FAM53A: variants seen among roughly 807,000 people sequenced by gnomAD.
The protein encoded by FAM53A is family with sequence similarity 53 member A.
FAM53A carries 28 observed loss-of-function variants against 26.6 expected under a neutral mutation model. That is an observed-to-expected ratio of 1.05 (90% CI 0.78 to 1.45). FAM53A has a LOEUF of 1.45. Ranked by LOEUF, FAM53A falls within the 40% of genes most tolerant of loss-of-function variation. The pLI, the probability that FAM53A is intolerant of heterozygous loss-of-function variation, is 0.00. For synonymous variants in FAM53A, 290 were observed against 253.1 expected, an observed-to-expected ratio of 1.15 and a Z score of -1.38; for missense variants, 650 against 575.8, an observed-to-expected ratio of 1.13 and a Z score of -1.32.
chr4:1,608,125 CA>C, the FAM53A span, among the ~76,000 whole-genome samples: 1 of 152,132 alleles, frequency 6.6e-6, no homozygotes, highest in African/African-American at 2.4e-5. Context: ...AAAATAAAAA[CA>C]AAAACAAAAA....
At position 1,680,898 on chromosome 4, in the gene FAM53A, T is replaced by C. The variant is rs906334988; in HGVS notation, c.-165+3335A>G. ...ATTATTCTGCATGATACTATAATGG[T>C]TGACAAAGGTCATTACACATTTGTC... On this transcript the variant is annotated intron_variant, in intron 1 of 4. Coordinates refer to ENST00000308132, the MANE Select transcript of FAM53A (RefSeq NM_001174070.3). 5.3e-5 allele frequency among the ~76,000 whole-genome samples: 8 copies of C among 152,198 alleles called. No individual in the cohort carries two copies. The East Asian group carries it at 1.3e-3, about 26-fold the overall frequency.
At chr4:1,629,217 G>A (rs1715500324) in intron 1 of FAM53A, among the ~76,000 whole-genome samples, 1 of 152,084 alleles carries the variant, frequency 6.6e-6, no homozygotes, top group African/African-American at 2.4e-5. Context: ...CCGCACCTGG[G>A]ACCCCAGGGG....
the FAM53A span, among the ~76,000 whole-genome samples, chr4:1,585,360 C>G: frequency 1.4e-5 from 2 of 138,304 alleles, no homozygotes; most frequent in African/African-American, 2.7e-5. Flanking sequence ...AATCTTGGCT[C>G]ACTGCAACCT....
chr4:1,644,463 G>C, intron 4 of FAM53A: 1 of 1,307,048 alleles, frequency 7.7e-7, no homozygotes, highest in Non-Finnish European at 1.0e-6. Context: ...GCTAGCGAAG[G>C]CCACACGGAA....
intron 1 of FAM53A, among the ~76,000 whole-genome samples, chr4:1,673,832 G>A (rs774982251): frequency 1.3e-5 from 2 of 152,226 alleles, no homozygotes; most frequent in Non-Finnish European, 2.9e-5. Context: ...CAGCAGCTCT[G>A]GCACGCGGGA....
chr4:1,680,239 A>C (rs1715325925), intron 1 of FAM53A, among the ~76,000 whole-genome samples: 1 of 145,624 alleles, frequency 6.9e-6, no homozygotes, highest in Non-Finnish European at 1.5e-5. Flanking sequence ...GAATCATTTG[A>C]AACCAGGAGG....
At chr4:1,625,603 T>G (rs56262316) in intron 1 of FAM53A, among the ~76,000 whole-genome samples, 5 of 38,252 alleles carry the variant, frequency 1.3e-4, no homozygotes, top group South Asian at 1.2e-3. Context: ...GAAGCCCCCA[T>G]GTCCCGACCC....
At chr4:1,637,081 C>G (rs1274519885), downstream of FAM53A, among the ~76,000 whole-genome samples, 18 of 152,032 alleles carry the variant, frequency 1.2e-4, no homozygotes, top group Non-Finnish European at 2.9e-5. Flanking sequence ...TGGTGAGGGC[C>G]ACAACCGTCT....
intron 1 of FAM53A, among the ~76,000 whole-genome samples, chr4:1,625,084 A>C (rs1308614028): frequency 9.9e-5 from 11 of 110,792 alleles, no homozygotes; most frequent in Admixed American, 3.7e-4. Context: ...GGTCAGGGTC[A>C]CGCCAGGTGA....
At chr4:1,672,981 G>C (rs976456022) in intron 1 of FAM53A, among the ~76,000 whole-genome samples, 2 of 152,096 alleles carry the variant, frequency 1.3e-5, no homozygotes, top group African/African-American at 4.8e-5. Flanking sequence ...TGTTGGCCAG[G>C]CTGGTCTCAA....
chr4:1,644,350 G>A lies in FAM53A; in HGVS notation c.883-2743C>T, dbSNP rs539062104. ...GCGGGCACAGCTGTGCGGCTAGAGCGTGAAAACAGCAGGCTCTGAACGCCT... is the reference window on the plus strand; with the variant it reads ...GCGGGCACAGCTGTGCGGCTAGAGCATGAAAACAGCAGGCTCTGAACGCCT... On this transcript the variant is annotated intron_variant, in intron 4 of 4. Coordinates refer to ENST00000308132, the MANE Select transcript of FAM53A (RefSeq NM_001174070.3). 63 of 1,535,654 alleles carry A rather than the reference G, an allele frequency of 4.1e-5. No individual in the cohort carries two copies. In the East Asian group the frequency reaches 4.9e-4, roughly 12 times the overall value.
intron 1 of FAM53A, among the ~76,000 whole-genome samples, chr4:1,634,322 T>C (rs1164437804): frequency 6.6e-6 from 1 of 151,900 alleles, no homozygotes; most frequent in Non-Finnish European, 1.5e-5. Context: ...CTGAGCTCCA[T>C]CCCTGCCCCC....
Position 1,641,576 on chromosome 4 carries a change from A to G in FAM53A, c.914T>C (p.Leu305Pro), listed in dbSNP as rs1301488098. ...ATCCTCATCGTCATCTTCGTAATTG[A>G]GGGAGCAAAGGCTTTTTGAATTTTT... is the stretch of plus-strand genomic sequence containing the variant. ...TLKNSKSLCS[L>P]NYEDDDEDDT... Residue 305 changes from leucine (L) to proline (P), a missense_variant, in exon 5 of 5, where the codon CTC (leucine) becomes CCC (proline). By Grantham distance (98) the Leu-to-Pro change is moderately conservative (BLOSUM62 -3). Coordinates refer to ENST00000308132, the MANE Select transcript of FAM53A (RefSeq NM_001174070.3). The G allele has an allele frequency of 1.9e-6, 3 of 1,614,036 alleles. No homozygotes were observed. Among genetic ancestry groups the G allele is most frequent in the Non-Finnish European group, 2.5e-6 (3 of 1,180,002 alleles).
chr4:1,673,909 A>G (rs960350133), intron 1 of FAM53A, among the ~76,000 whole-genome samples: 8 of 152,218 alleles, frequency 5.3e-5, no homozygotes, highest in South Asian at 2.1e-4. Context: ...AGCCCAGGAG[A>G]CGACGGGGAT....
chr4:1,606,996 C>T, the FAM53A span, among the ~76,000 whole-genome samples: 930 of 152,354 alleles, frequency 6.1e-3, 16 homozygotes, highest in Middle Eastern at 6.8e-3. Flanking sequence ...ACAGCTTCCA[C>T]AACGCTTGCC....
chr4:1,669,090 G>T (rs930021947), intron 1 of FAM53A, among the ~76,000 whole-genome samples, 185 bp from the exon 2 acceptor site: 1 of 151,820 alleles, frequency 6.6e-6, no homozygotes, highest in Non-Finnish European at 1.5e-5. Context: ...TGGTCTTCTG[G>T]CTAAAGGCAA....
intron 4 of FAM53A, among the ~76,000 whole-genome samples, chr4:1,642,436 C>A (rs10032948): frequency 0.064 from 9,776 of 152,104 alleles, 401 homozygotes; most frequent in Middle Eastern, 0.16. Flanking sequence ...CTCACTCTGC[C>A]CCCCGGCTAT....
intron 1 of FAM53A, among the ~76,000 whole-genome samples, chr4:1,633,926 C>A (rs1467395252): frequency 6.6e-6 from 1 of 152,182 alleles, no homozygotes; most frequent in Non-Finnish European, 1.5e-5. Context: ...CAGGACCTCA[C>A]TTCCTGTTCA....
intron 1 of FAM53A, among the ~76,000 whole-genome samples, chr4:1,626,615 C>T (rs1018560482): frequency 6.1e-5 from 9 of 147,554 alleles, no homozygotes; most frequent in African/African-American, 2.3e-4. Context: ...TGTTTTGCAT[C>T]TGGGGGACCC....
Sources: allele counts gnomAD v4.1 joint callset (sites outside exome capture counted in the v4.1 genomes callset), GRCh38; gene constraint gnomAD v4.1.1; transcripts MANE v1.5; gene names NCBI Gene and HGNC (gene_info 2026-07-23, HGNC 2026-07-21).